Variants in NRG3 observed in about 807,000 individuals in gnomAD.
NRG3 encodes neuregulin 3, also known as pro-neuregulin-3, membrane-bound isoform.
Under a neutral mutation model 66.9 loss-of-function variants are expected in NRG3, and 31 were observed. The observed-to-expected ratio is 0.46, with a 90% CI of 0.35 to 0.63. The LOEUF is 0.63. Among genes scored for constraint, NRG3 ranks in the 20% least tolerant of loss-of-function variants. NRG3 has a pLI of 0.00. For synonymous variants in NRG3, 393 were observed against 359.4 expected, an observed-to-expected ratio of 1.09 and a Z score of -1.06; for missense variants, 910 against 878.9, an observed-to-expected ratio of 1.04 and a Z score of -0.45.
chr10:82,832,652 G>C (rs186974708), intron 3 of NRG3, among the ~76,000 whole-genome samples: 206 of 152,134 alleles, frequency 1.4e-3, no homozygotes, highest in Non-Finnish European at 2.3e-3. Flanking sequence ...CGATGAGAGG[G>C]TATTATTTAT....
chr10:82,173,026 T>G (rs2133122646), intron 1 of NRG3, among the ~76,000 whole-genome samples: 1 of 152,306 alleles, frequency 6.6e-6, no homozygotes, highest in East Asian at 1.9e-4. Flanking sequence ...CTAGGGTGAC[T>G]TTTGAGTTAA....
At chr10:81,945,479 G>A (rs577915795) in intron 1 of NRG3, among the ~76,000 whole-genome samples, 4 of 152,182 alleles carry the variant, frequency 2.6e-5, no homozygotes, top group African/African-American at 9.6e-5. Flanking sequence ...TTTAAATTGC[G>A]ATTTTGCCCA....
chr10:82,688,028 T>C (rs928361739), intron 2 of NRG3, among the ~76,000 whole-genome samples: 3 of 152,208 alleles, frequency 2.0e-5, no homozygotes, highest in Non-Finnish European at 4.4e-5. Context: ...ATCCTTGAAC[T>C]CACCATGAAC....
intron 1 of NRG3, among the ~76,000 whole-genome samples, chr10:81,926,259 A>AACCC (rs1846766797): frequency 1.3e-5 from 2 of 152,054 alleles, no homozygotes; most frequent in Non-Finnish European, 2.9e-5. Context: ...CTGGGATTAC[A>AACCC]GGCACCCGCA....
chr10:82,463,229 C>A (rs2091605724), intron 2 of NRG3, among the ~76,000 whole-genome samples: 1 of 152,212 alleles, frequency 6.6e-6, no homozygotes, highest in Non-Finnish European at 1.5e-5. Context: ...TTTCACATGG[C>A]AGATGAAATA....
intron 1 of NRG3, among the ~76,000 whole-genome samples, chr10:81,969,370 C>T (rs2059844191): frequency 6.6e-6 from 1 of 152,160 alleles, no homozygotes; most frequent in South Asian, 2.1e-4. Flanking sequence ...TCTTGTTCCC[C>T]CTAAAATCAA....
At chr10:82,463,268 A>G (rs1263629901) in intron 2 of NRG3, among the ~76,000 whole-genome samples, 6 of 152,222 alleles carry the variant, frequency 3.9e-5, no homozygotes, top group Admixed American at 2.0e-4. Context: ...AAGGATCATA[A>G]TTCATTATAA....
chr10:81,899,866 G>A (rs1342956535), intron 1 of NRG3, among the ~76,000 whole-genome samples: 1 of 152,202 alleles, frequency 6.6e-6, no homozygotes, highest in Non-Finnish European at 1.5e-5. Context: ...ACTACCTGTG[G>A]AAGTTGACAT....
chr10:82,424,643 C>T (rs775458605), intron 2 of NRG3, among the ~76,000 whole-genome samples: 1 of 151,944 alleles, frequency 6.6e-6, no homozygotes, highest in South Asian at 2.1e-4. Flanking sequence ...TTAATTTTGA[C>T]AAAGTTAAAT....
chr10:82,771,365 C>G (rs2059705733), intron 3 of NRG3, among the ~76,000 whole-genome samples: 1 of 151,938 alleles, frequency 6.6e-6, no homozygotes, highest in South Asian at 2.1e-4. Flanking sequence ...TAAAATAAAG[C>G]CAGTATTTTA....
chr10:82,182,355 C>A (rs2073484368), intron 1 of NRG3, among the ~76,000 whole-genome samples: 1 of 151,472 alleles, frequency 6.6e-6, no homozygotes, highest in Admixed American at 6.6e-5. Context: ...CTTTATGTTT[C>A]ATTGATTTTT....
At chr10:82,787,548 C>A (rs145270658) in intron 3 of NRG3, among the ~76,000 whole-genome samples, 8 of 152,260 alleles carry the variant, frequency 5.3e-5, no homozygotes, top group Admixed American at 4.6e-4. Context: ...TTCATGGAGA[C>A]AGGCAAGTAT....
At chr10:82,605,175 A>AT (rs1237564929) in intron 2 of NRG3, among the ~76,000 whole-genome samples, 3 of 151,938 alleles carry the variant, frequency 2.0e-5, no homozygotes, top group Admixed American at 6.6e-5. Context: ...TAGCTATAGG[A>AT]TTTTTTTGTA....
intron 2 of NRG3, among the ~76,000 whole-genome samples, chr10:82,485,161 T>TAG (rs1448026844): frequency 6.6e-6 from 1 of 152,116 alleles, no homozygotes; most frequent in African/African-American, 2.4e-5. Flanking sequence ...GACCCCAGTG[T>TAG]AGGGCTCAGG....
chr10:81,923,466 A>G (rs937471877), intron 1 of NRG3, among the ~76,000 whole-genome samples: 22 of 152,142 alleles, frequency 1.4e-4, no homozygotes, highest in East Asian at 5.8e-4. Context: ...CGGCCTCCCA[A>G]CGTGCTGGGA....
chr10:82,563,415 T>C (rs1471047525), intron 2 of NRG3, among the ~76,000 whole-genome samples: 6 of 152,124 alleles, frequency 3.9e-5, no homozygotes, highest in Non-Finnish European at 8.8e-5. Flanking sequence ...ATAATCATTA[T>C]CTAGGTGATT....
intron 2 of NRG3, among the ~76,000 whole-genome samples, chr10:82,534,947 G>C (rs1363892031): frequency 2.0e-5 from 3 of 151,730 alleles, no homozygotes; most frequent in Non-Finnish European, 4.4e-5. Flanking sequence ...TGGATCACCT[G>C]AGGTCAGGAG....
chr10:82,517,222 G>A (rs1267732956), intron 2 of NRG3, among the ~76,000 whole-genome samples: 1 of 151,682 alleles, frequency 6.6e-6, no homozygotes, highest in Non-Finnish European at 1.5e-5. Flanking sequence ...ATACCATCTG[G>A]CCTAATGAGA....
chr10:82,070,385 C>CT (rs1213469288), intron 1 of NRG3, among the ~76,000 whole-genome samples: 1 of 152,080 alleles, frequency 6.6e-6, no homozygotes, highest in African/African-American at 2.4e-5. Flanking sequence ...TTTTATCTGG[C>CT]TTAAGTTAAA....
Sources: allele counts gnomAD v4.1 joint callset (sites outside exome capture counted in the v4.1 genomes callset), GRCh38; gene constraint gnomAD v4.1.1; transcripts MANE v1.5; gene names NCBI Gene and HGNC (gene_info 2026-07-23, HGNC 2026-07-21).